The following GLCCI1 variants were observed in gnomAD, a reference collection of about 807,000 sequenced individuals.
GLCCI1 encodes glucocorticoid-induced transcript 1 protein.
GLCCI1 carries 24 observed loss-of-function variants against 52.2 expected under a neutral mutation model. That is an observed-to-expected ratio of 0.46 (90% CI 0.33 to 0.65). The LOEUF (loss-of-function observed/expected upper bound fraction) is 0.65, where lower values mean the gene tolerates loss of function less well. Among genes scored for constraint, GLCCI1 ranks in the 30% least tolerant of loss-of-function variants. The probability of loss-of-function intolerance (pLI) is 0.02; values close to 1 mark genes in which losing one functional copy is unlikely to be tolerated. For synonymous variants in GLCCI1, 310 were observed against 276.5 expected, an observed-to-expected ratio of 1.12 and a Z score of -1.20; for missense variants, 704 against 701.5, an observed-to-expected ratio of 1.00 and a Z score of -0.04.
Position 8,002,293 on chromosome 7 carries a change from A to G in GLCCI1, c.458-1615A>G, listed in dbSNP as rs182014134. On this transcript the variant is annotated intron_variant, in intron 1 of 7. Coordinates refer to ENST00000223145, the MANE Select transcript of GLCCI1 (RefSeq NM_138426.4). The stretch of plus-strand genomic sequence containing the variant: ...TTCTATAATTTAATTCAATTGATAT[A>G]TAAGACAAGGAACTATATATTCTGA... Among the ~76,000 whole-genome samples the G allele has an allele frequency of 1.0e-3, 152 of 152,268 alleles. 1 individual carries two copies. The highest frequency in any genetic ancestry group is 3.4e-3 in the African/African-American group (141 of 41,568).
intron 2 of GLCCI1, among the ~76,000 whole-genome samples, chr7:8,013,711 T>A (rs1306697079): frequency 6.6e-6 from 1 of 152,226 alleles, no homozygotes; most frequent in Non-Finnish European, 1.5e-5. Context: ...ACAACACATT[T>A]CTTGTTAAAC....
In GLCCI1 at chr7:8,086,796, G is replaced by C. The variant is rs1376054417; in HGVS notation, c.*258G>C. ...TATGCATTTCATAGTATATTTGACA[G>C]ATTAGTACTGTGTCCTGTGTTTTGT... is the stretch of plus-strand genomic sequence containing the variant. On this transcript the variant is annotated 3_prime_UTR_variant, in exon 8 of 8. Transcript: ENST00000223145. The surrounding 1 kb of genome is among the most constrained non-coding windows in gnomAD (Gnocchi z 4.4). 3 of 424,202 alleles carry C rather than the reference G, an allele frequency of 7.1e-6. No homozygotes were observed. Among genetic ancestry groups the C allele is most frequent in the Middle Eastern group, 1.2e-3 (2 of 1,666 alleles). 26.3% of individuals were successfully genotyped at this position (424,202 alleles called of 1,614,324 possible).
Position 8,060,175 on chromosome 7 carries a change from A to G in GLCCI1, c.893A>G (p.Asn298Ser), listed in dbSNP as rs766472114. 5.0e-6 allele frequency: 8 copies of G among 1,613,110 alleles called. 1 individual carries two copies. In the South Asian group the frequency reaches 7.7e-5, roughly 16 times the overall value. Residue 298 changes from asparagine to serine, a missense_variant, in exon 5 of 8, where the codon AAT becomes AGT. Physicochemically the swap from Asn to Ser is conservative, Grantham distance 46. Around this residue, in one of 3 missense-constraint regions of GLCCI1, gnomAD observed 547 missense variants for 524.8 expected, o/e 1.04. Transcript: ENST00000223145. ...PKSSVSRVPC[N>S]VEGISPELEK... Reference sequence around the variant, plus strand: ...TCATCTGTTTCGCGTGTGCCCTGCAATGTAGAAGGAATAAGTCCTGAATTA... The same window carrying G: ...TCATCTGTTTCGCGTGTGCCCTGCAGTGTAGAAGGAATAAGTCCTGAATTA...
chr7:8,025,021 T>A (rs1287643778), intron 3 of GLCCI1, among the ~76,000 whole-genome samples: 1 of 152,208 alleles, frequency 6.6e-6, no homozygotes, highest in East Asian at 1.9e-4. Context: ...TTTATTAGTC[T>A]AAGACTGTAG....
At chr7:8,074,719 G>A (rs1782838496) in intron 6 of GLCCI1, among the ~76,000 whole-genome samples, 1 of 152,118 alleles carries the variant, frequency 6.6e-6, no homozygotes, top group South Asian at 2.1e-4. Flanking sequence ...TATAATGTAT[G>A]TTTTCTACAA....
intron 1 of GLCCI1, among the ~76,000 whole-genome samples, chr7:7,998,863 C>T (rs1031889183): frequency 1.3e-5 from 2 of 152,058 alleles, no homozygotes; most frequent in Admixed American, 6.6e-5. Context: ...TTTAATGTCT[C>T]TAAATAGGTT....
At chr7:7,973,298 A>G (rs1457862065) in intron 1 of GLCCI1, among the ~76,000 whole-genome samples, 1 of 152,292 alleles carries the variant, frequency 6.6e-6, no homozygotes, top group East Asian at 1.9e-4. Context: ...AAAAGAAAAT[A>G]TAGTAAAGTT....
At chr7:7,983,988 AG>A (rs1780673364) in intron 1 of GLCCI1, among the ~76,000 whole-genome samples, 2 of 152,152 alleles carry the variant, frequency 1.3e-5, no homozygotes, top group Non-Finnish European at 2.9e-5. Context: ...CCACAGAATG[AG>A]TTTCTAAGTT....
intron 1 of GLCCI1, among the ~76,000 whole-genome samples, chr7:7,992,049 T>G (rs1395065054): frequency 4.0e-5 from 4 of 99,398 alleles, no homozygotes; most frequent in Admixed American, 2.1e-4. Context: ...TATTTTTTCT[T>G]TCTTTCTTTC....
intron 3 of GLCCI1, among the ~76,000 whole-genome samples, chr7:8,032,124 T>G (rs923473823): frequency 6.6e-6 from 1 of 152,002 alleles, no homozygotes; most frequent in Non-Finnish European, 1.5e-5. Context: ...CACTGCAGAA[T>G]AGCAGAAAGA....
rs529752700 is a variant in GLCCI1 at position 7,977,212 on chromosome 7, ACTC to A, written c.457+7408_457+7410del. ...AGCACAGTGAACAAGACATAAACGA[ACTC>A]CTTGTGGCTTGATTAGCTTTATTAA... is the stretch of plus-strand genomic sequence containing the variant. On this transcript the variant is annotated intron_variant, in intron 1 of 7. Transcript: ENST00000223145. Among the ~76,000 whole-genome samples the A allele has an allele frequency of 2.3e-3, 344 of 152,232 alleles. 1 individual carries two copies. The highest frequency in any genetic ancestry group is 8.2e-3 in the African/African-American group (340 of 41,546).
intron 7 of GLCCI1, among the ~76,000 whole-genome samples, chr7:8,085,846 A>G (rs970745391): frequency 6.6e-6 from 1 of 152,206 alleles, no homozygotes; most frequent in Non-Finnish European, 1.5e-5. Context: ...CCTCTGGTAT[A>G]CTTTTTCTTA....
chr7:7,969,197 A>G lies in GLCCI1; in HGVS notation c.-154A>G, dbSNP rs1780279503. The G allele has an allele frequency of 3.1e-6, 2 of 653,942 alleles. No individual in the cohort carries two copies. The highest frequency in any genetic ancestry group is 2.0e-6 in the Non-Finnish European group (1 of 500,860). 40.5% of individuals were successfully genotyped at this position (653,942 alleles called of 1,614,324 possible). Reference sequence around the variant, plus strand: ...GAGGCGGCGGGGGTGTGCGTTGGGGAGGGGGAGCCCCGAGACTCCTCCCCC... The same window carrying G: ...GAGGCGGCGGGGGTGTGCGTTGGGGGGGGGGAGCCCCGAGACTCCTCCCCC... On this transcript the variant is annotated 5_prime_UTR_variant, in exon 1 of 8. Transcript: ENST00000223145. This position sits in a 1 kb window ranked among gnomAD's most constrained non-coding sequence, Gnocchi z 4.9.
At chr7:7,970,010 C>T (rs1422191827) in intron 1 of GLCCI1, 1 of 498,972 alleles carries the variant, frequency 2.0e-6, no homozygotes, top group African/African-American at 2.1e-5. Context: ...CTCATGCCGC[C>T]CCTCAGAGTC....
At chr7:7,974,531 C>T (rs1780423405) in intron 1 of GLCCI1, among the ~76,000 whole-genome samples, 1 of 151,972 alleles carries the variant, frequency 6.6e-6, no homozygotes, top group African/African-American at 2.4e-5. Flanking sequence ...ATAATGGCGT[C>T]CTTGTGATTT....
intron 3 of GLCCI1, among the ~76,000 whole-genome samples, chr7:8,024,111 A>G (rs1465821425): frequency 1.3e-5 from 2 of 152,298 alleles, no homozygotes; most frequent in African/African-American, 4.8e-5. Flanking sequence ...GTAAACATCT[A>G]CATTTCTCTC....
intron 1 of GLCCI1, among the ~76,000 whole-genome samples, chr7:7,988,805 C>T (rs1780785699): frequency 6.6e-6 from 1 of 152,088 alleles, no homozygotes; most frequent in South Asian, 2.1e-4. Flanking sequence ...TTCACCTAAT[C>T]CTCTTTTCTC....
At chr7:8,015,054 T>A (rs35108922) in intron 2 of GLCCI1, among the ~76,000 whole-genome samples, 3,575 of 152,336 alleles carry the variant, frequency 0.023, 70 homozygotes, top group East Asian at 0.089. Context: ...TGTTTTTATT[T>A]GTTTTTAAGA....
chr7:8,064,255 G>A (rs1243707263), intron 5 of GLCCI1, among the ~76,000 whole-genome samples: 1 of 152,110 alleles, frequency 6.6e-6, no homozygotes, highest in Non-Finnish European at 1.5e-5. Flanking sequence ...TTAAGTCTTT[G>A]ATCCATCTTG....
Sources: gnomAD v4.1 joint callset for allele counts (sites outside exome capture counted in the v4.1 genomes callset) on GRCh38, gnomAD v4.1.1 for gene constraint, gnomAD v4.1.1 regional missense constraint, Gnocchi (gnomAD v3.1) non-coding constraint, MANE v1.5 for transcripts, NCBI Gene and HGNC (gene_info 2026-07-23, HGNC 2026-07-21) for gene names.